The following CNNM2 variants were observed in gnomAD, a reference collection of about 807,000 sequenced individuals.
The protein encoded by CNNM2 is metal transporter CNNM2.
Under a neutral mutation model 66.9 loss-of-function variants are expected in CNNM2, and 12 were observed. The ratio of observed to expected loss-of-function variants is 0.18; its 90% CI spans 0.11 to 0.29. The LOEUF (loss-of-function observed/expected upper bound fraction) is 0.29, where lower values mean the gene tolerates loss of function less well. Among genes scored for constraint, CNNM2 ranks in the 10% least tolerant of loss-of-function variants. The pLI is 1.00. For synonymous variants in CNNM2, 557 were observed against 501.8 expected (o/e 1.11, Z -1.47); for missense variants, 705 against 1,167.7 (o/e 0.60, Z 5.77).
chr10:103,002,478 T>TC (rs1189686472), intron 1 of CNNM2, among the ~76,000 whole-genome samples: 1 of 133,030 alleles, frequency 7.5e-6, no homozygotes, highest in Non-Finnish European at 1.7e-5. Context: ...AAGACTGGAA[T>TC]CTTTTTTTTT....
intron 4 of CNNM2, 133 bp from the exon 5 acceptor site, chr10:103,068,495 GC>G (rs1167753116): frequency 1.3e-6 from 1 of 749,468 alleles, no homozygotes; most frequent in African/African-American, 1.7e-5. Flanking sequence ...GGAAAGATGA[GC>G]TGAAGCTTTA....
At chr10:103,016,976 T>C (rs1276486495) in intron 1 of CNNM2, among the ~76,000 whole-genome samples, 1 of 150,850 alleles carries the variant, frequency 6.6e-6, no homozygotes, top group Non-Finnish European at 1.5e-5. Flanking sequence ...TAGTTTTGTT[T>C]CCTTTTTTTT....
intron 1 of CNNM2, among the ~76,000 whole-genome samples, chr10:102,946,173 T>C (rs1462077058): frequency 6.6e-6 from 1 of 152,178 alleles, no homozygotes; most frequent in Non-Finnish European, 1.5e-5. Context: ...CAGGGAATGT[T>C]ACAAAGTGCT....
intron 1 of CNNM2, among the ~76,000 whole-genome samples, chr10:102,922,865 C>T (rs948946711): frequency 4.0e-5 from 6 of 150,294 alleles, no homozygotes; most frequent in Admixed American, 1.3e-4. Context: ...TTCCTTGAGC[C>T]TGGGAGGCGG....
At chr10:102,973,821 C>G (rs1036942470) in intron 1 of CNNM2, among the ~76,000 whole-genome samples, 1 of 148,388 alleles carries the variant, frequency 6.7e-6, no homozygotes, top group Middle Eastern at 3.2e-3. Context: ...TGTATTCCCC[C>G]CCCCCCTTTT....
rs10883809 is a variant in CNNM2 at position 102,964,507 on chromosome 10, T to A, written c.1621+44406T>A. Among the ~76,000 whole-genome samples the A allele has an allele frequency of 0.12, 18,017 of 152,166 alleles. 1,227 individuals carry two copies. The highest frequency in any genetic ancestry group is 0.15 in the Non-Finnish European group (10,086 of 67,992). The stretch of plus-strand genomic sequence containing the variant: ...GCCTCCGAAAGAGCTGGGGTCACAC[T>A]CATGAGCCACTGCGCCTGGCTAGAT... On this transcript the variant is annotated intron_variant, in intron 1 of 7. Transcript: ENST00000369878.
intron 1 of CNNM2, among the ~76,000 whole-genome samples, chr10:102,933,207 T>C (rs1256670887): frequency 6.6e-6 from 1 of 152,184 alleles, no homozygotes; most frequent in Non-Finnish European, 1.5e-5. Context: ...ATTGCATCTG[T>C]AGATCAATTT....
intron 1 of CNNM2, among the ~76,000 whole-genome samples, chr10:102,959,784 G>T (rs574424770): frequency 3.3e-5 from 5 of 152,286 alleles, no homozygotes; most frequent in African/African-American, 1.2e-4. Flanking sequence ...TGGGTGTGGT[G>T]GCTCACACCT....
intron 1 of CNNM2, among the ~76,000 whole-genome samples, chr10:103,000,832 G>A (rs1196251744): frequency 6.6e-6 from 1 of 152,134 alleles, no homozygotes; most frequent in Non-Finnish European, 1.5e-5. Context: ...GCCCTCCTTG[G>A]CTTCCCAGAG....
chr10:103,032,904 G>A (rs1297276840), intron 1 of CNNM2, among the ~76,000 whole-genome samples: 1 of 151,630 alleles, frequency 6.6e-6, no homozygotes, highest in African/African-American at 2.4e-5. Flanking sequence ...GATTGCTTGA[G>A]CTTAAGAGTT....
intron 1 of CNNM2, among the ~76,000 whole-genome samples, chr10:103,007,662 C>T (rs909647357): frequency 3.3e-5 from 5 of 152,270 alleles, no homozygotes; most frequent in South Asian, 2.1e-4. Context: ...TGCCTGACCC[C>T]GCAGGCAGTC....
At chr10:103,064,836 G>A (rs2065449471) in intron 4 of CNNM2, among the ~76,000 whole-genome samples, 1 of 152,052 alleles carries the variant, frequency 6.6e-6, no homozygotes, top group Non-Finnish European at 1.5e-5. Flanking sequence ...CTCCAGCCTG[G>A]GTGACAGAGT....
chr10:103,033,307 G>C (rs1445452238), intron 1 of CNNM2, among the ~76,000 whole-genome samples: 1 of 151,868 alleles, frequency 6.6e-6, no homozygotes, highest in Non-Finnish European at 1.5e-5. Flanking sequence ...TCCTGCCTCA[G>C]CCTCCCGAGT....
intron 1 of CNNM2, among the ~76,000 whole-genome samples, chr10:102,959,229 G>T (rs1847159531): frequency 6.6e-6 from 1 of 152,160 alleles, no homozygotes; most frequent in African/African-American, 2.4e-5. Flanking sequence ...ACTGTGCCTG[G>T]CTCATTTTAT....
intron 1 of CNNM2, among the ~76,000 whole-genome samples, chr10:102,954,126 C>CTTT (rs35543663): frequency 5.3e-5 from 7 of 133,078 alleles, no homozygotes; most frequent in African/African-American, 1.1e-4. Context: ...CTTTTCTTTT[C>CTTT]TTTTTTTTTT....
At chr10:102,937,758 C>T (rs112051445) in intron 1 of CNNM2, among the ~76,000 whole-genome samples, 337 of 151,602 alleles carry the variant, frequency 2.2e-3, no homozygotes, top group African/African-American at 7.6e-3. Flanking sequence ...GATTTTCTTT[C>T]GTTCTTTTTC....
intron 4 of CNNM2, among the ~76,000 whole-genome samples, chr10:103,063,654 C>T (rs2065427212): frequency 6.6e-6 from 1 of 152,192 alleles, no homozygotes; most frequent in Admixed American, 6.5e-5. Flanking sequence ...GTGAGAGATG[C>T]TTTACTCAGG....
intron 1 of CNNM2, among the ~76,000 whole-genome samples, chr10:102,923,135 T>C (rs1224700701): frequency 1.3e-5 from 2 of 152,078 alleles, no homozygotes; most frequent in Non-Finnish European, 2.9e-5. Flanking sequence ...TCTTCCTTTT[T>C]TTTTTCCCCA....
At chr10:103,062,279 G>A (rs778561108) in intron 4 of CNNM2, among the ~76,000 whole-genome samples, 1 of 152,154 alleles carries the variant, frequency 6.6e-6, no homozygotes, top group Non-Finnish European at 1.5e-5. Context: ...AGTATGGCAG[G>A]TGGCATCTTA....
Sources: allele counts gnomAD v4.1 joint callset (sites outside exome capture counted in the v4.1 genomes callset), GRCh38; gene constraint gnomAD v4.1.1; transcripts MANE v1.5; gene names NCBI Gene and HGNC (gene_info 2026-07-23, HGNC 2026-07-21).